The following TAFA1 variants were observed in gnomAD, a reference collection of about 807,000 sequenced individuals.
TAFA1 encodes the protein TAFA chemokine like family member 1.
In TAFA1, 4 loss-of-function variants were observed where a neutral mutation model predicts 18.5. The ratio of observed to expected loss-of-function variants is 0.22; its 90% CI spans 0.11 to 0.49. TAFA1 has a LOEUF of 0.49. Ranked by LOEUF, TAFA1 falls within the 20% of genes least tolerant of loss-of-function variation. The pLI is 0.98. For synonymous variants in TAFA1, 56 were observed against 55.2 expected, an observed-to-expected ratio of 1.01 and a Z score of -0.06; for missense variants, 147 against 169.0, an observed-to-expected ratio of 0.87 and a Z score of 0.72.
In TAFA1 at chr3:68,155,244, T is replaced by A. The variant is rs150128930; in HGVS notation, c.118+148500T>A. ...CAGTAGCCACTACATCACTCTGCAG[T>A]GCCTGATCAGTGGGGAAGCTATAAC... On this transcript the variant is annotated intron_variant, in intron 2 of 4. Transcript: ENST00000478136. 1.9e-3 allele frequency among the ~76,000 whole-genome samples: 288 copies of A among 152,260 alleles called. 2 individuals are homozygous for A. The highest frequency in any genetic ancestry group is 5.9e-3 in the African/African-American group (245 of 41,544).
intron 2 of TAFA1, among the ~76,000 whole-genome samples, chr3:68,134,808 G>A (rs1257259687): frequency 2.0e-5 from 3 of 152,308 alleles, no homozygotes; most frequent in East Asian, 3.9e-4. Context: ...GGGAAGGTAA[G>A]GACATGAATC....
chr3:68,380,506 C>T (rs1346283611), intron 2 of TAFA1, among the ~76,000 whole-genome samples: 1 of 152,188 alleles, frequency 6.6e-6, no homozygotes. Flanking sequence ...ATTTGCATTT[C>T]TCTGATGGCC....
chr3:68,260,048 C>G (rs1322949945), intron 2 of TAFA1, among the ~76,000 whole-genome samples: 2 of 152,150 alleles, frequency 1.3e-5, no homozygotes, highest in Non-Finnish European at 2.9e-5. Flanking sequence ...AGTTTTTGCC[C>G]ATTCAATATG....
At chr3:68,064,216 C>A (rs1020406021) in intron 2 of TAFA1, among the ~76,000 whole-genome samples, 2 of 152,146 alleles carry the variant, frequency 1.3e-5, no homozygotes, top group African/African-American at 4.8e-5. Flanking sequence ...ACGTGAAAAA[C>A]CAGCTGGGAG....
At chr3:68,375,508 A>G (rs2106646360) in intron 2 of TAFA1, among the ~76,000 whole-genome samples, 1 of 152,304 alleles carries the variant, frequency 6.6e-6, no homozygotes, top group Non-Finnish European at 1.5e-5. Context: ...GGAAGTCGTG[A>G]TCTATACATT....
chr3:68,080,830 T>G (rs1025895108), intron 2 of TAFA1, among the ~76,000 whole-genome samples: 5 of 152,218 alleles, frequency 3.3e-5, no homozygotes, highest in African/African-American at 1.2e-4. Flanking sequence ...TGTGGTGTTC[T>G]CTATATTTCC....
intron 3 of TAFA1, among the ~76,000 whole-genome samples, chr3:68,450,193 G>A (rs1328455017): frequency 1.3e-5 from 2 of 152,170 alleles, no homozygotes; most frequent in Non-Finnish European, 2.9e-5. Flanking sequence ...TAGCTTTGAG[G>A]ATAATAGAGG....
At chr3:68,300,735 T>C (rs924302026) in intron 2 of TAFA1, among the ~76,000 whole-genome samples, 1 of 152,120 alleles carries the variant, frequency 6.6e-6, no homozygotes, top group Admixed American at 6.6e-5. Context: ...AATTGAATCA[T>C]GGGTGCAGTT....
intron 2 of TAFA1, among the ~76,000 whole-genome samples, chr3:68,085,036 AT>A (rs1197604913): frequency 2.0e-5 from 3 of 152,200 alleles, no homozygotes; most frequent in African/African-American, 7.2e-5. Flanking sequence ...GTAGCACACT[AT>A]AAACATGTGT....
intron 3 of TAFA1, among the ~76,000 whole-genome samples, chr3:68,496,150 A>G (rs1199576453): frequency 6.6e-6 from 1 of 152,218 alleles, no homozygotes; most frequent in African/African-American, 2.4e-5. Flanking sequence ...TTTACGCAGA[A>G]AGATCAGCGT....
chr3:68,183,841 G>A (rs1261593731), intron 2 of TAFA1, among the ~76,000 whole-genome samples: 5 of 152,116 alleles, frequency 3.3e-5, no homozygotes, highest in Non-Finnish European at 4.4e-5. Flanking sequence ...CAAAACAGTA[G>A]TAACTGTAGT....
chr3:68,316,885 A>C (rs1204840716), intron 2 of TAFA1, among the ~76,000 whole-genome samples: 1 of 152,310 alleles, frequency 6.6e-6, no homozygotes, highest in African/African-American at 2.4e-5. Flanking sequence ...TAATGAATAA[A>C]TATTTCTAAA....
chr3:68,179,725 T>C (rs2066171684), intron 2 of TAFA1, among the ~76,000 whole-genome samples: 3 of 152,156 alleles, frequency 2.0e-5, no homozygotes, highest in African/African-American at 7.2e-5. Context: ...CTAGAATTTT[T>C]CACTTATTAA....
At chr3:68,121,281 G>C (rs1038729881) in intron 2 of TAFA1, among the ~76,000 whole-genome samples, 1 of 151,056 alleles carries the variant, frequency 6.6e-6, no homozygotes, top group Non-Finnish European at 1.5e-5. Flanking sequence ...GTGTGTGTGT[G>C]TGTGTGTGTA....
chr3:68,079,332 A>T (rs1430890602), intron 2 of TAFA1, among the ~76,000 whole-genome samples: 3 of 151,964 alleles, frequency 2.0e-5, no homozygotes, highest in African/African-American at 7.3e-5. Context: ...CTCTGATTTT[A>T]GTTAGTTCTT....
At chr3:68,193,727 C>G (rs2066376572) in intron 2 of TAFA1, among the ~76,000 whole-genome samples, 1 of 151,442 alleles carries the variant, frequency 6.6e-6, no homozygotes, top group Admixed American at 6.6e-5. Context: ...TTTAAAAAGC[C>G]TAGGCTTTAA....
At chr3:68,264,429 A>G (rs916497772) in intron 2 of TAFA1, among the ~76,000 whole-genome samples, 2 of 152,180 alleles carry the variant, frequency 1.3e-5, no homozygotes, top group African/African-American at 4.8e-5. Context: ...TGTCTGCAAA[A>G]CTTACCTGGC....
In TAFA1 at chr3:68,260,488, G is replaced by A. The variant is rs182364787; in HGVS notation, c.119-156792G>A. Among the ~76,000 whole-genome samples the A allele has an allele frequency of 3.2e-3, 487 of 152,158 alleles. 2 individuals carry two copies. The highest frequency in any genetic ancestry group is 0.011 in the African/African-American group (454 of 41,500). On this transcript the variant is annotated intron_variant, in intron 2 of 4. Coordinates refer to ENST00000478136, the MANE Select transcript of TAFA1 (RefSeq NM_213609.4). ...AGGGAGGATTCCCTCTTTTTCTATT[G>A]ATTGGAATAGTTTCAGAAGGAAATC...
At chr3:68,345,555 C>T (rs571087657) in intron 2 of TAFA1, among the ~76,000 whole-genome samples, 2 of 152,242 alleles carry the variant, frequency 1.3e-5, no homozygotes, top group East Asian at 1.9e-4. Flanking sequence ...ATCAGCAATC[C>T]GTTGATATGA....
Sources: allele counts gnomAD v4.1 joint callset (sites outside exome capture counted in the v4.1 genomes callset), GRCh38; gene constraint gnomAD v4.1.1; transcripts MANE v1.5; gene names NCBI Gene and HGNC (gene_info 2026-07-23, HGNC 2026-07-21).